The following HIBADH variants were observed in gnomAD, a reference collection of about 807,000 sequenced individuals.
HIBADH encodes the protein 3-hydroxyisobutyrate dehydrogenase, mitochondrial.
HIBADH carries 25 observed loss-of-function variants against 36.1 expected under a neutral mutation model. The observed-to-expected ratio is 0.69, with a 90% CI of 0.50 to 0.97. The LOEUF (loss-of-function observed/expected upper bound fraction) is 0.97, where lower values mean the gene tolerates loss of function less well. HIBADH is among the 50% of genes least tolerant of loss of function. The pLI, the probability that HIBADH is intolerant of heterozygous loss-of-function variation, is 0.00. For synonymous variants in HIBADH, 160 were observed against 149.5 expected (o/e 1.07, Z -0.51); for missense variants, 421 against 418.0 (o/e 1.01, Z -0.06).
chr7:27,542,016 T>C (rs191937849), intron 5 of HIBADH, among the ~76,000 whole-genome samples: 2 of 152,356 alleles, frequency 1.3e-5, no homozygotes, highest in Admixed American at 1.3e-4. Context: ...CTCTCAACTG[T>C]AAATGGTGCC....
At chr7:27,652,082 G>A (rs1786204829) in intron 1 of HIBADH, among the ~76,000 whole-genome samples, 1 of 152,130 alleles carries the variant, frequency 6.6e-6, no homozygotes, top group Non-Finnish European at 1.5e-5. Context: ...ACTATGCTAA[G>A]CACTTTATAA....
At chr7:27,633,034 A>G (rs1023880470) in intron 2 of HIBADH, among the ~76,000 whole-genome samples, 1 of 152,226 alleles carries the variant, frequency 6.6e-6, no homozygotes, top group Admixed American at 6.5e-5. Context: ...AATGACTGCA[A>G]GTACCACCAG....
intron 4 of HIBADH, among the ~76,000 whole-genome samples, chr7:27,608,572 C>A (rs1785270991): frequency 6.6e-6 from 1 of 152,134 alleles, no homozygotes; most frequent in Non-Finnish European, 1.5e-5. Flanking sequence ...AGGCCCTTGT[C>A]AAATTCTCAA....
intron 4 of HIBADH, among the ~76,000 whole-genome samples, chr7:27,594,718 C>G (rs1785002216): frequency 6.6e-6 from 1 of 151,990 alleles, no homozygotes; most frequent in Non-Finnish European, 1.5e-5. Context: ...CCCTTCCAGA[C>G]AGTAAAATAA....
chr7:27,551,242 AGG>A, intron 4 of HIBADH, among the ~76,000 whole-genome samples: 1 of 152,284 alleles, frequency 6.6e-6, no homozygotes, highest in Non-Finnish European at 1.5e-5. Flanking sequence ...CATTATTATG[AGG>A]AGTTAAAAGT....
chr7:27,629,750 T>G (rs1785714444), intron 3 of HIBADH, among the ~76,000 whole-genome samples: 1 of 152,134 alleles, frequency 6.6e-6, no homozygotes, highest in Non-Finnish European at 1.5e-5. Context: ...ATGGTATAAA[T>G]TCTGATTTCA....
At chr7:27,618,223 G>A (rs1785468745) in intron 4 of HIBADH, among the ~76,000 whole-genome samples, 2 of 152,180 alleles carry the variant, frequency 1.3e-5, no homozygotes, top group Non-Finnish European at 2.9e-5. Flanking sequence ...GCAAGCTGGA[G>A]GGCTACCTAT....
chr7:27,634,923 G>A (rs1398543487), intron 2 of HIBADH, among the ~76,000 whole-genome samples: 1 of 152,206 alleles, frequency 6.6e-6, no homozygotes, highest in Non-Finnish European at 1.5e-5. Flanking sequence ...TGCATTGCCA[G>A]AATACTGCTA....
chr7:27,573,217 T>C (rs1052343045), intron 4 of HIBADH, among the ~76,000 whole-genome samples: 4 of 152,198 alleles, frequency 2.6e-5, no homozygotes, highest in Non-Finnish European at 5.9e-5. Context: ...CCTTTTCTAA[T>C]TCTCAACTTT....
chr7:27,595,983 G>A (rs987617653), intron 4 of HIBADH, among the ~76,000 whole-genome samples: 4 of 152,172 alleles, frequency 2.6e-5, no homozygotes, highest in Admixed American at 1.3e-4. Flanking sequence ...TAAAGATAAT[G>A]TATCAGTTCC....
At chr7:27,590,734 T>G (rs920789506) in intron 4 of HIBADH, among the ~76,000 whole-genome samples, 1 of 152,224 alleles carries the variant, frequency 6.6e-6, no homozygotes, top group Non-Finnish European at 1.5e-5. Flanking sequence ...TCTCACTTAA[T>G]CCTATAAAAT....
chr7:27,578,985 C>T (rs1450138276), intron 4 of HIBADH, among the ~76,000 whole-genome samples: 2 of 152,000 alleles, frequency 1.3e-5, no homozygotes, highest in Non-Finnish European at 2.9e-5. Flanking sequence ...GTCTAGACTC[C>T]AGAAATGTCA....
Position 27,546,506 on chromosome 7 carries a change from T to C in HIBADH, c.485-3406A>G, listed in dbSNP as rs541935330. ...TCCTATTTAGTTACTTAAGCCATTG[T>C]CTTCTCTGGGATAATTTTAGCCCCT... On this transcript the variant is annotated intron_variant, in intron 4 of 7. Transcript: ENST00000265395. 1.2e-4 allele frequency among the ~76,000 whole-genome samples: 18 copies of C among 152,314 alleles called. No homozygotes were observed. The South Asian group carries it at 3.5e-3, about 30-fold the overall frequency.
At chr7:27,539,777 G>A (rs1028597680) in intron 5 of HIBADH, among the ~76,000 whole-genome samples, 6 of 151,926 alleles carry the variant, frequency 3.9e-5, no homozygotes, top group East Asian at 3.9e-4. Context: ...TGGAAGCCTC[G>A]TCAATAACAT....
chr7:27,642,772 C>T (rs1785985208), intron 2 of HIBADH, among the ~76,000 whole-genome samples: 1 of 150,776 alleles, frequency 6.6e-6, no homozygotes, highest in African/African-American at 2.4e-5. Flanking sequence ...CTGCCTCAGC[C>T]TCCCAAGTAG....
At chr7:27,625,487 A>T (rs894913494) in intron 4 of HIBADH, among the ~76,000 whole-genome samples, 1 of 152,142 alleles carries the variant, frequency 6.6e-6, no homozygotes, top group African/African-American at 2.4e-5. Context: ...TAAAAAAAAA[A>T]GCATGGGAAT....
chr7:27,527,918 GTTTT>G (rs746260280), intron 7 of HIBADH, among the ~76,000 whole-genome samples: 1 of 61,670 alleles, frequency 1.6e-5, no homozygotes, highest in Admixed American at 2.6e-4. Context: ...CACACCCAGC[GTTTT>G]TTTTTTTTTT....
intron 7 of HIBADH, among the ~76,000 whole-genome samples, chr7:27,528,820 G>C (rs1247381029): frequency 6.6e-6 from 1 of 152,202 alleles, no homozygotes; most frequent in Non-Finnish European, 1.5e-5. Flanking sequence ...GAAACAGCCT[G>C]CTGTTGGAAG....
intron 2 of HIBADH, among the ~76,000 whole-genome samples, chr7:27,636,857 T>C (rs980893513): frequency 1.4e-4 from 22 of 152,234 alleles, no homozygotes; most frequent in African/African-American, 5.1e-4. Flanking sequence ...CAGAGCAGAC[T>C]CTTAAACAGG....
Sources: gnomAD v4.1 joint callset for allele counts (sites outside exome capture counted in the v4.1 genomes callset) on GRCh38, gnomAD v4.1.1 for gene constraint, MANE v1.5 for transcripts, NCBI Gene and HGNC (gene_info 2026-07-23, HGNC 2026-07-21) for gene names.